The following FBXL17 variants were observed in gnomAD, a reference collection of about 807,000 sequenced individuals.
FBXL17 encodes F-box and leucine rich repeat protein 17.
In FBXL17, 22 loss-of-function variants were observed where a neutral mutation model predicts 66.2. That is an observed-to-expected ratio of 0.33 (90% CI 0.24 to 0.47). The LOEUF is 0.47. Ranked by LOEUF, FBXL17 falls within the 20% of genes least tolerant of loss-of-function variation. The pLI is 1.00. For missense variants in FBXL17, 878 were observed against 948.2 expected (o/e 0.93, Z 0.97); for synonymous variants, 474 against 400.5 (o/e 1.18, Z -2.19).
At chr5:108,046,877 A>G (rs1285227254) in intron 6 of FBXL17, among the ~76,000 whole-genome samples, 2 of 152,208 alleles carry the variant, frequency 1.3e-5, no homozygotes, top group Non-Finnish European at 2.9e-5. Context: ...TTTGCTTACC[A>G]TGTTCTTTTT....
chr5:108,357,211 G>C (rs567073619), intron 3 of FBXL17, among the ~76,000 whole-genome samples: 1 of 152,106 alleles, frequency 6.6e-6, no homozygotes, highest in East Asian at 1.9e-4. Context: ...AGACAGAGCA[G>C]ACTTCAGAAG....
chr5:108,268,182 T>C (rs749503871), intron 4 of FBXL17, among the ~76,000 whole-genome samples: 11 of 152,028 alleles, frequency 7.2e-5, no homozygotes, highest in Non-Finnish European at 1.3e-4. Context: ...ACATGATCCA[T>C]AAAGTGGATA....
chr5:108,284,967 A>G (rs2966825), intron 4 of FBXL17, among the ~76,000 whole-genome samples: 118,092 of 151,764 alleles, frequency 0.78, 46,664 homozygotes, highest in East Asian at 0.93. Flanking sequence ...TTTCTACTAC[A>G]GAGTAAAAAT....
At chr5:108,297,310 C>G (rs1014879123) in intron 4 of FBXL17, among the ~76,000 whole-genome samples, 1 of 151,612 alleles carries the variant, frequency 6.6e-6, no homozygotes, top group African/African-American at 2.4e-5. Context: ...GAAGTACAGT[C>G]TTTAGACATA....
At chr5:108,154,686 C>T (rs1280808350) in intron 6 of FBXL17, among the ~76,000 whole-genome samples, 115 of 139,376 alleles carry the variant, frequency 8.3e-4, no homozygotes, top group Middle Eastern at 3.9e-3. Context: ...TATATATACA[C>T]ATATATATGT....
At chr5:107,941,791 C>A (rs191963042) in intron 7 of FBXL17, among the ~76,000 whole-genome samples, 1 of 152,280 alleles carries the variant, frequency 6.6e-6, no homozygotes, top group African/African-American at 2.4e-5. Flanking sequence ...CAATTCGAAC[C>A]TAATTCAGCA....
chr5:108,282,911 A>C (rs9885545), intron 4 of FBXL17, among the ~76,000 whole-genome samples: 1 of 148,510 alleles, frequency 6.7e-6, no homozygotes, highest in South Asian at 2.1e-4. Context: ...TTATAATAGC[A>C]ACAAAAAAAA....
chr5:107,976,759 G>A (rs1035666253), intron 7 of FBXL17, among the ~76,000 whole-genome samples: 31 of 152,034 alleles, frequency 2.0e-4, no homozygotes, highest in Admixed American at 4.6e-4. Flanking sequence ...ATTAAAAAAA[G>A]AAAAGACAAT....
intron 6 of FBXL17, among the ~76,000 whole-genome samples, chr5:108,070,738 A>G (rs1168410675): frequency 6.6e-6 from 1 of 152,204 alleles, no homozygotes; most frequent in Non-Finnish European, 1.5e-5. Flanking sequence ...AGTCCTTATT[A>G]TCTTGACTAG....
intron 6 of FBXL17, among the ~76,000 whole-genome samples, chr5:108,184,584 A>G (rs911055481): frequency 6.6e-6 from 1 of 151,596 alleles, no homozygotes; most frequent in South Asian, 2.1e-4. Context: ...TGGGATTACA[A>G]GTGTGAGCCA....
chr5:108,329,924 T>C (rs1351078958), intron 4 of FBXL17, among the ~76,000 whole-genome samples: 1 of 152,046 alleles, frequency 6.6e-6, no homozygotes, highest in Admixed American at 6.6e-5. Flanking sequence ...TACAACATAA[T>C]AGGAAATTAC....
intron 7 of FBXL17, among the ~76,000 whole-genome samples, chr5:108,017,087 A>G (rs898745781): frequency 1.3e-5 from 2 of 152,126 alleles, no homozygotes; most frequent in Admixed American, 6.5e-5. Flanking sequence ...CCTTGAAGGA[A>G]GTAAATTTTC....
intron 4 of FBXL17, among the ~76,000 whole-genome samples, chr5:108,283,029 C>T (rs1015410152): frequency 6.6e-6 from 1 of 151,400 alleles, no homozygotes; most frequent in Non-Finnish European, 1.5e-5. Flanking sequence ...GAAAACAGCC[C>T]ATGCTCACAG....
chr5:108,342,871 G>A (rs886649310), intron 4 of FBXL17, among the ~76,000 whole-genome samples: 43 of 152,184 alleles, frequency 2.8e-4, no homozygotes, highest in African/African-American at 9.6e-4. Flanking sequence ...CTGAGATGTA[G>A]TTGCTATGGT....
intron 7 of FBXL17, among the ~76,000 whole-genome samples, chr5:107,884,755 C>A (rs537031769): frequency 1.3e-5 from 2 of 152,286 alleles, no homozygotes; most frequent in South Asian, 4.1e-4. Context: ...AGCGTCCTTA[C>A]CTGGACAATG....
chr5:108,358,776 T>C (rs1455371913), intron 3 of FBXL17, among the ~76,000 whole-genome samples: 2 of 152,170 alleles, frequency 1.3e-5, no homozygotes, highest in Admixed American at 1.3e-4. Context: ...CTTCTTTAAA[T>C]ATTTGAAAAC....
chr5:108,373,223 T>A (rs1457604372), intron 1 of FBXL17, among the ~76,000 whole-genome samples: 1 of 137,478 alleles, frequency 7.3e-6, no homozygotes, highest in Non-Finnish European at 1.5e-5. Context: ...TATATTATAT[T>A]AATATAAATA....
At chr5:108,329,454 C>A (rs1006461136) in intron 4 of FBXL17, among the ~76,000 whole-genome samples, 1 of 152,114 alleles carries the variant, frequency 6.6e-6, no homozygotes, top group Admixed American at 6.5e-5. Context: ...ACTGCAGGTT[C>A]TCGTAAGGGA....
At chr5:108,008,474 T>C (rs6862484) in intron 7 of FBXL17, among the ~76,000 whole-genome samples, 17,049 of 152,180 alleles carry the variant, frequency 0.11, 2,435 homozygotes, top group African/African-American at 0.33. Context: ...TTTCAAACTC[T>C]TCATTTATTT....
Sources: allele counts gnomAD v4.1 joint callset (sites outside exome capture counted in the v4.1 genomes callset), GRCh38; gene constraint gnomAD v4.1.1; transcripts MANE v1.5; gene names NCBI Gene and HGNC (gene_info 2026-07-23, HGNC 2026-07-21).